MIPOL1: variants seen among roughly 807,000 people sequenced by gnomAD.
The protein encoded by MIPOL1 is mirror-image polydactyly gene 1 protein.
In MIPOL1, 57 loss-of-function variants were observed where a neutral mutation model predicts 60.9. The ratio of observed to expected loss-of-function variants is 0.94; its 90% CI spans 0.76 to 1.17. The LOEUF (loss-of-function observed/expected upper bound fraction) is 1.17. Ranked by LOEUF, MIPOL1 falls within the 50% of genes most tolerant of loss-of-function variation. MIPOL1 has a pLI of 0.00. For synonymous variants in MIPOL1, 179 were observed against 168.8 expected (o/e 1.06, Z -0.47); for missense variants, 551 against 511.6 (o/e 1.08, Z -0.74).
intron 12 of MIPOL1, among the ~76,000 whole-genome samples, chr14:37,530,445 T>C (rs1342340153): frequency 6.6e-6 from 1 of 152,226 alleles, no homozygotes; most frequent in Non-Finnish European, 1.5e-5. Flanking sequence ...TAAGGATTCT[T>C]CTCTGGGAAT....
At chr14:37,494,748 A>G (rs2095094664) in intron 11 of MIPOL1, among the ~76,000 whole-genome samples, 1 of 152,238 alleles carries the variant, frequency 6.6e-6, no homozygotes, top group Non-Finnish European at 1.5e-5. Context: ...GTTAACATAT[A>G]GCATTTATTA....
chr14:37,394,248 T>A (rs1197206335), intron 10 of MIPOL1, among the ~76,000 whole-genome samples: 1 of 151,420 alleles, frequency 6.6e-6, no homozygotes, highest in African/African-American at 2.4e-5. Context: ...AAATTTTTCA[T>A]ATAACTTCTT....
intron 12 of MIPOL1, among the ~76,000 whole-genome samples, chr14:37,524,572 T>TC (rs1159244434): frequency 5.1e-5 from 7 of 138,022 alleles, no homozygotes; most frequent in Admixed American, 1.5e-4. Flanking sequence ...TTTCTTTTCT[T>TC]TTTTTTTTTT....
chr14:37,501,940 A>T (rs1440656036), intron 12 of MIPOL1: 1 of 152,286 alleles, frequency 6.6e-6, no homozygotes, highest in Non-Finnish European at 1.5e-5. Context: ...AGACCAGGAG[A>T]TTCTCTCTCA....
intron 11 of MIPOL1, among the ~76,000 whole-genome samples, chr14:37,490,900 T>C (rs2095038672): frequency 6.6e-6 from 1 of 152,180 alleles, no homozygotes; most frequent in African/African-American, 2.4e-5. Context: ...TATTTGGCCA[T>C]CTTGCCAGCA....
At chr14:37,208,236 G>T (rs1268539304) in intron 1 of MIPOL1, among the ~76,000 whole-genome samples, 1 of 152,118 alleles carries the variant, frequency 6.6e-6, no homozygotes, top group Admixed American at 6.5e-5. Flanking sequence ...TTCAATATGT[G>T]TGGTTTTATA....
At chr14:37,298,060 G>C (rs1208115178) in intron 7 of MIPOL1, among the ~76,000 whole-genome samples, 1 of 152,112 alleles carries the variant, frequency 6.6e-6, no homozygotes, top group Non-Finnish European at 1.5e-5. Flanking sequence ...ATACTACAAG[G>C]CTACAGTAAC....
intron 11 of MIPOL1, among the ~76,000 whole-genome samples, chr14:37,494,503 C>T (rs748826223): frequency 5.9e-5 from 9 of 152,068 alleles, no homozygotes; most frequent in South Asian, 2.1e-4. Flanking sequence ...AAACTTGACA[C>T]GCTTGAGAAT....
intron 12 of MIPOL1, among the ~76,000 whole-genome samples, chr14:37,524,466 C>T (rs2095433337): frequency 6.6e-6 from 1 of 151,524 alleles, no homozygotes; most frequent in Admixed American, 6.6e-5. Context: ...TGAAATGGAA[C>T]GACATCTTTA....
chr14:37,389,963 G>T (rs1373691719), intron 10 of MIPOL1, among the ~76,000 whole-genome samples: 1 of 151,988 alleles, frequency 6.6e-6, no homozygotes. Flanking sequence ...TACTTTGGGA[G>T]GCCAAGATGG....
chr14:37,446,077 T>A (rs1345014097), intron 11 of MIPOL1, among the ~76,000 whole-genome samples: 1 of 152,064 alleles, frequency 6.6e-6, no homozygotes, highest in Admixed American at 6.5e-5. Flanking sequence ...ACAAATGGGA[T>A]CTAATTAAAT....
At chr14:37,403,877 CTTG>C (rs2093538906) in intron 10 of MIPOL1, among the ~76,000 whole-genome samples, 1 of 152,088 alleles carries the variant, frequency 6.6e-6, no homozygotes, top group South Asian at 2.1e-4. Context: ...AGCTCTAATC[CTTG>C]TTTTCAGAAA....
Position 37,445,008 on chromosome 14 carries a change from A to C in MIPOL1, c.1031+22059A>C, listed in dbSNP as rs532204259. ...AAAACTGGAAGCATTCCCTTTGAAA[A>C]CTGGCACAAGACAGGGATGCCCTCT... On this transcript the variant is annotated intron_variant, in intron 11 of 12. Transcript: ENST00000684589. Among the ~76,000 whole-genome samples the C allele has an allele frequency of 9.6e-4, 146 of 152,312 alleles. 3 individuals are homozygous for C. The highest frequency in any genetic ancestry group is 3.5e-3 in the African/African-American group (145 of 41,562).
At chr14:37,489,058 A>G (rs546527448) in intron 11 of MIPOL1, among the ~76,000 whole-genome samples, 3 of 152,306 alleles carry the variant, frequency 2.0e-5, no homozygotes, top group African/African-American at 7.2e-5. Context: ...CATTCTCCGC[A>G]TCACTTTCAA....
intron 6 of MIPOL1, among the ~76,000 whole-genome samples, chr14:37,273,761 C>T (rs189473894): frequency 2.6e-5 from 4 of 151,238 alleles, no homozygotes; most frequent in South Asian, 4.2e-4. Context: ...CCGTTGGGCA[C>T]GTTTTTTAGC....
At chr14:37,344,168 C>T (rs1206835766) in intron 9 of MIPOL1, among the ~76,000 whole-genome samples, 1 of 151,880 alleles carries the variant, frequency 6.6e-6, no homozygotes, top group Non-Finnish European at 1.5e-5. Flanking sequence ...TTTCAAATTC[C>T]AATACCTCAT....
intron 12 of MIPOL1, among the ~76,000 whole-genome samples, chr14:37,526,297 G>C (rs2095445953): frequency 6.7e-6 from 1 of 149,586 alleles, no homozygotes; most frequent in Non-Finnish European, 1.5e-5. Flanking sequence ...TTGTTATGCT[G>C]TGTTTAGAAT....
At chr14:37,421,258 A>G (rs1171376931) in intron 10 of MIPOL1, among the ~76,000 whole-genome samples, 2 of 152,120 alleles carry the variant, frequency 1.3e-5, no homozygotes, top group Non-Finnish European at 2.9e-5. Context: ...CAAGTAAAAG[A>G]CTTCAAAACA....
intron 11 of MIPOL1, among the ~76,000 whole-genome samples, chr14:37,470,415 G>A (rs532751519): frequency 7.2e-5 from 11 of 151,996 alleles, no homozygotes; most frequent in African/African-American, 2.2e-4. Flanking sequence ...TCATGGGGAC[G>A]GATTTCCCCC....
Sources: gnomAD v4.1 joint callset for allele counts (sites outside exome capture counted in the v4.1 genomes callset) on GRCh38, gnomAD v4.1.1 for gene constraint, MANE v1.5 for transcripts, NCBI Gene and HGNC (gene_info 2026-07-23, HGNC 2026-07-21) for gene names.